Variants in RCAN2 observed in about 807,000 individuals in gnomAD.
The protein encoded by RCAN2 is calcipressin-2.
Under a neutral mutation model 23.6 loss-of-function variants are expected in RCAN2, and 9 were observed. The observed-to-expected ratio is 0.38, with a 90% CI of 0.23 to 0.67. RCAN2 has a LOEUF of 0.67. Among genes scored for constraint, RCAN2 ranks in the 30% least tolerant of loss-of-function variants. The probability of loss-of-function intolerance (pLI) is 0.51; values close to 1 mark genes in which losing one functional copy is unlikely to be tolerated. For missense variants in RCAN2, 273 were observed against 302.3 expected (o/e 0.90, Z 0.72); for synonymous variants, 109 against 115.7 (o/e 0.94, Z 0.37).
At chr6:46,301,017 CA>C (rs1472391533) in intron 2 of RCAN2, among the ~76,000 whole-genome samples, 3 of 151,032 alleles carry the variant, frequency 2.0e-5, no homozygotes, top group South Asian at 4.2e-4. Flanking sequence ...AAACAAACAA[CA>C]AAAAAATCAG....
Position 46,223,245 on chromosome 6 carries a change from C to A in RCAN2, c.628G>T (p.Val210Leu), listed in dbSNP as rs781518205. ...TCTTCCTCTATGTCACTGTCGCACA[C>A]GTGCACGACGACACTTGGGGTGGAC... ...TESTPSVVVH[V>L]CDSDIEEEED... The change falls in exon 5 of 5, where the codon GTG (valine) becomes TTG (leucine). Residue 210 changes from valine (V) to leucine (L), a missense_variant. Transcript: ENST00000371374. 6.2e-7 allele frequency: 1 copy of A among 1,613,896 alleles called. No homozygotes were observed. Among genetic ancestry groups the A allele is most frequent in the Admixed American group, 1.7e-5 (1 of 60,012 alleles).
chr6:46,391,511 C>T (rs1370335090), intron 2 of RCAN2, among the ~76,000 whole-genome samples: 1 of 152,260 alleles, frequency 6.6e-6, no homozygotes, highest in South Asian at 2.1e-4. Flanking sequence ...GTTCTCAGGA[C>T]GCTGACATGG....
chr6:46,430,984 T>C (rs1767182614), intron 2 of RCAN2, among the ~76,000 whole-genome samples: 1 of 152,032 alleles, frequency 6.6e-6, no homozygotes, highest in Non-Finnish European at 1.5e-5. Flanking sequence ...AAGAATATGG[T>C]TGATGTAAAT....
chr6:46,328,606 TTTTGTTTG>T (rs147253833), intron 2 of RCAN2, among the ~76,000 whole-genome samples: 10 of 151,576 alleles, frequency 6.6e-5, no homozygotes, highest in African/African-American at 2.4e-4. Flanking sequence ...TTCTCTAGAG[TTTTGTTTG>T]TTTGTTTGTT....
At chr6:46,490,545 G>A (rs1769110645) in intron 1 of RCAN2, among the ~76,000 whole-genome samples, 1 of 152,154 alleles carries the variant, frequency 6.6e-6, no homozygotes, top group African/African-American at 2.4e-5. Context: ...TCCCTCTGGT[G>A]ACTTCTGGAG....
At chr6:46,443,972 T>C (rs1027786626) in intron 2 of RCAN2, among the ~76,000 whole-genome samples, 71 of 152,240 alleles carry the variant, frequency 4.7e-4, no homozygotes, top group African/African-American at 1.7e-3. Context: ...TTCATCTCTC[T>C]GTGTCTTAAT....
intron 2 of RCAN2, among the ~76,000 whole-genome samples, chr6:46,297,949 A>G (rs1762773234): frequency 6.6e-6 from 1 of 152,156 alleles, no homozygotes; most frequent in Non-Finnish European, 1.5e-5. Flanking sequence ...AAAGTGAGTG[A>G]AAATGGAACT....
chr6:46,471,802 TG>T (rs1768564054), intron 1 of RCAN2, among the ~76,000 whole-genome samples: 1 of 151,852 alleles, frequency 6.6e-6, no homozygotes, highest in Non-Finnish European at 1.5e-5. Flanking sequence ...TGCAAGGGGG[TG>T]TGTTATAGGG....
chr6:46,367,871 T>A (rs919576910), intron 2 of RCAN2, among the ~76,000 whole-genome samples: 8 of 152,228 alleles, frequency 5.3e-5, no homozygotes, highest in African/African-American at 1.9e-4. Flanking sequence ...TGAGGGAAAC[T>A]ATAATTTTAA....
intron 2 of RCAN2, among the ~76,000 whole-genome samples, chr6:46,260,575 C>A (rs1033755036): frequency 1.3e-5 from 2 of 152,164 alleles, no homozygotes; most frequent in Admixed American, 1.3e-4. Flanking sequence ...AGTTTGCATG[C>A]CTAGGGCTCT....
intron 2 of RCAN2, among the ~76,000 whole-genome samples, chr6:46,365,679 C>T (rs1302401304): frequency 1.3e-5 from 2 of 152,078 alleles, no homozygotes; most frequent in Non-Finnish European, 2.9e-5. Flanking sequence ...CATTTAAGAT[C>T]TCATTTTATA....
At chr6:46,433,042 C>A (rs1275740151) in intron 2 of RCAN2, among the ~76,000 whole-genome samples, 1 of 152,162 alleles carries the variant, frequency 6.6e-6, no homozygotes, top group African/African-American at 2.4e-5. Context: ...AGCATCTCTG[C>A]ATGGCTTTGG....
chr6:46,473,693 T>A (rs1561920300), intron 1 of RCAN2, among the ~76,000 whole-genome samples: 1 of 152,162 alleles, frequency 6.6e-6, no homozygotes, highest in Non-Finnish European at 1.5e-5. Context: ...TGATAATTAT[T>A]AGATAAATCA....
At chr6:46,267,241 G>A (rs1767364891) in intron 2 of RCAN2, among the ~76,000 whole-genome samples, 1 of 152,068 alleles carries the variant, frequency 6.6e-6, no homozygotes, top group South Asian at 2.1e-4. Context: ...GTTCTTTTTA[G>A]AAAATAACAT....
chr6:46,304,824 C>T (rs1046984200), intron 2 of RCAN2, among the ~76,000 whole-genome samples: 1 of 152,098 alleles, frequency 6.6e-6, no homozygotes, highest in Non-Finnish European at 1.5e-5. Flanking sequence ...CAAGCCCATG[C>T]TCTTTCGTTA....
intron 4 of RCAN2, among the ~76,000 whole-genome samples, chr6:46,231,195 T>C (rs1365706034): frequency 2.6e-5 from 4 of 152,092 alleles, no homozygotes; most frequent in African/African-American, 9.7e-5. Context: ...AAAAGGAAGT[T>C]TGGACATTGA....
At chr6:46,263,515 GTGTGTA>G (rs1646980084) in intron 2 of RCAN2, among the ~76,000 whole-genome samples, 5 of 68,520 alleles carry the variant, frequency 7.3e-5, no homozygotes, top group African/African-American at 2.8e-4. Flanking sequence ...GTGTGTGTAT[GTGTGTA>G]TGTGTGTGTG....
intron 2 of RCAN2, among the ~76,000 whole-genome samples, chr6:46,272,607 G>T (rs1177034739): frequency 2.0e-5 from 3 of 152,114 alleles, no homozygotes; most frequent in Non-Finnish European, 4.4e-5. Context: ...ATTGGAAAAA[G>T]ATACATCAAA....
chr6:46,389,360 G>A (rs1244106555), intron 2 of RCAN2, among the ~76,000 whole-genome samples: 2 of 152,160 alleles, frequency 1.3e-5, no homozygotes, highest in Non-Finnish European at 2.9e-5. Flanking sequence ...TCACTGGAAT[G>A]TCCTTCCTCT....
Sources: allele counts gnomAD v4.1 joint callset (sites outside exome capture counted in the v4.1 genomes callset), GRCh38; gene constraint gnomAD v4.1.1; transcripts MANE v1.5; gene names NCBI Gene and HGNC (gene_info 2026-07-23, HGNC 2026-07-21).